The following TFEC variants were observed in gnomAD, a reference collection of about 807,000 sequenced individuals.
The protein encoded by TFEC is class E basic helix-loop-helix protein 34.
TFEC carries 31 observed loss-of-function variants against 41.6 expected under a neutral mutation model. That is an observed-to-expected ratio of 0.74 (90% CI 0.56 to 1.01). The LOEUF (loss-of-function observed/expected upper bound fraction) is 1.01. TFEC is among the 50% of genes least tolerant of loss of function. TFEC has a pLI of 0.00. For synonymous variants in TFEC, 143 were observed against 140.6 expected (o/e 1.02, Z -0.12); for missense variants, 402 against 404.1 (o/e 0.99, Z 0.04).
chr7:115,987,695 T>C (rs1356981397), intron 1 of TFEC, among the ~76,000 whole-genome samples: 1 of 152,110 alleles, frequency 6.6e-6, no homozygotes, highest in Non-Finnish European at 1.5e-5. Context: ...CTGCTATGCT[T>C]CTTGTACATA....
At chr7:115,941,828 A>C in intron 7 of TFEC, 65 bp downstream of exon 7, 1 of 1,487,848 alleles carries the variant, frequency 6.7e-7, no homozygotes, top group Non-Finnish European at 9.0e-7. Flanking sequence ...AGACCAATGA[A>C]GAAAACTGAT....
chr7:116,117,279 C>T (rs895297388), intron 1 of TFEC, among the ~76,000 whole-genome samples: 10 of 151,742 alleles, frequency 6.6e-5, no homozygotes, highest in African/African-American at 2.4e-4. Context: ...CAAAATGTCC[C>T]CAGTGTCTAT....
At chr7:116,120,450 C>G (rs1340709155) in intron 1 of TFEC, 1 of 151,856 alleles carries the variant, frequency 6.6e-6, no homozygotes, top group Non-Finnish European at 1.5e-5. Flanking sequence ...GTTGGAAAGA[C>G]AGAATTTCAT....
chr7:116,115,774 A>C (rs1797974501), intron 1 of TFEC, among the ~76,000 whole-genome samples: 1 of 152,044 alleles, frequency 6.6e-6, no homozygotes, highest in Non-Finnish European at 1.5e-5. Context: ...CATTATAGGG[A>C]GAGAATATAG....
chr7:115,956,683 A>G lies in TFEC; in HGVS notation c.378T>C (p.Ile126=), dbSNP rs1792251490. The G allele has an allele frequency of 3.8e-6, 6 of 1,598,492 alleles. No individual in the cohort carries two copies. Among genetic ancestry groups the G allele is most frequent in the African/African-American group, 1.4e-5 (1 of 74,044 alleles). ...AAACTATAAAAGCAACATTACCTGT[A>G]ATTTCTCTTTTCATTGGTAGACTAC... The part of the protein sequence containing the change: ...CPSSLPMKRE[I]TETDTRALAK... Residue 126 remains isoleucine, a synonymous_variant, in exon 4 of 8, where the codon ATT becomes ATC. Coordinates refer to ENST00000265440, the MANE Select transcript of TFEC (RefSeq NM_012252.4).
At chr7:115,945,997 C>A (rs1584554333) in intron 6 of TFEC, among the ~76,000 whole-genome samples, 2 of 151,704 alleles carry the variant, frequency 1.3e-5, no homozygotes, top group East Asian at 3.9e-4. Flanking sequence ...AAGTACTTAC[C>A]ATTCTATGTT....
intron 1 of TFEC, among the ~76,000 whole-genome samples, chr7:116,155,874 C>T (rs983694840): frequency 1.3e-5 from 2 of 152,140 alleles, no homozygotes; most frequent in East Asian, 1.9e-4. Flanking sequence ...TACTGATTTT[C>T]TTTTTCTTTT....
In TFEC at chr7:116,108,555, C is replaced by T. The variant is rs371441758; in HGVS notation, c.198+2153G>A. On this transcript the variant is annotated intron_variant, in intron 3 of 8. Transcript: ENST00000484212. ...AATAACTTGATCAAAAGCAGGTGCT[C>T]AAAATATAGTATTAAAATTAGACTA... Among the ~76,000 whole-genome samples, 32 of 152,146 alleles carry T rather than the reference C, an allele frequency of 2.1e-4. No homozygotes were observed. In the South Asian group the frequency reaches 4.4e-3, roughly 21 times the overall value.
intron 1 of TFEC, among the ~76,000 whole-genome samples, chr7:116,123,646 T>C (rs1367041159): frequency 6.6e-6 from 1 of 152,108 alleles, no homozygotes; most frequent in East Asian, 1.9e-4. Flanking sequence ...CTTTTCTTTA[T>C]TGATGCTTCA....
At chr7:115,985,849 C>T (rs1209998957) in intron 1 of TFEC, among the ~76,000 whole-genome samples, 2 of 151,834 alleles carry the variant, frequency 1.3e-5, no homozygotes, top group East Asian at 3.9e-4. Context: ...TTATATTATC[C>T]TACTGTTCTA....
At chr7:115,987,304 T>C (rs1793903919) in intron 1 of TFEC, among the ~76,000 whole-genome samples, 1 of 152,178 alleles carries the variant, frequency 6.6e-6, no homozygotes, top group Non-Finnish European at 1.5e-5. Flanking sequence ...TTACTAACCA[T>C]GAACTAATAT....
chr7:116,072,777 G>A (rs1796860424), intron 3 of TFEC, among the ~76,000 whole-genome samples: 1 of 151,470 alleles, frequency 6.6e-6, no homozygotes, highest in South Asian at 2.1e-4. Flanking sequence ...CTTATGAAAA[G>A]AAGTATTCAA....
At position 115,984,504 on chromosome 7, in the gene TFEC, G is replaced by A; in HGVS notation, c.-63C>T. On this transcript the variant is annotated 5_prime_UTR_variant, in exon 2 of 8. Transcript: ENST00000265440. Reference sequence around the variant, plus strand: ...TGAGGCCTTGCAGAACTTTCCAGGTGTGCTGGGACCTACAAGATCAAAATT... The same window carrying A: ...TGAGGCCTTGCAGAACTTTCCAGGTATGCTGGGACCTACAAGATCAAAATT... 6.2e-7 allele frequency: 1 copy of A among 1,613,800 alleles called. No individual in the cohort carries two copies. The highest frequency in any genetic ancestry group is 8.5e-7 in the Non-Finnish European group (1 of 1,179,834).
intron 1 of TFEC, among the ~76,000 whole-genome samples, chr7:115,985,621 G>A (rs1005208605): frequency 1.2e-4 from 18 of 151,956 alleles, no homozygotes; most frequent in African/African-American, 4.1e-4. Context: ...CTGGTTTGGG[G>A]TACAATATTG....
chr7:116,109,994 C>G (rs565263748), intron 3 of TFEC, among the ~76,000 whole-genome samples: 29 of 152,240 alleles, frequency 1.9e-4, no homozygotes, highest in African/African-American at 5.5e-4. Context: ...CCAAACACCG[C>G]ATGTTCTCAC....
At chr7:116,077,044 T>C (rs1044243913) in intron 3 of TFEC, among the ~76,000 whole-genome samples, 2 of 152,122 alleles carry the variant, frequency 1.3e-5, no homozygotes, top group East Asian at 3.9e-4. Flanking sequence ...AGGTAACCTA[T>C]AAATGAAAGC....
At chr7:115,993,691 C>T (rs1562919787) in intron 1 of TFEC, among the ~76,000 whole-genome samples, 1 of 152,184 alleles carries the variant, frequency 6.6e-6, no homozygotes, top group Non-Finnish European at 1.5e-5. Context: ...CAAACCACTG[C>T]TCCATGAAAT....
At chr7:116,149,225 C>A (rs889207220) in intron 1 of TFEC, among the ~76,000 whole-genome samples, 1 of 152,016 alleles carries the variant, frequency 6.6e-6, no homozygotes, top group African/African-American at 2.4e-5. Flanking sequence ...AAAATAACCT[C>A]CAGCAAAGTT....
intron 1 of TFEC, among the ~76,000 whole-genome samples, chr7:116,029,442 A>G (rs544015076): frequency 2.0e-5 from 3 of 152,138 alleles, no homozygotes; most frequent in Non-Finnish European, 4.4e-5. Flanking sequence ...ACTGCGTACC[A>G]TTTCACTTTG....
Sources: allele counts gnomAD v4.1 joint callset (sites outside exome capture counted in the v4.1 genomes callset), GRCh38; gene constraint gnomAD v4.1.1; transcripts MANE v1.5; gene names NCBI Gene and HGNC (gene_info 2026-07-23, HGNC 2026-07-21).